The following ZNF765 variants were observed in gnomAD, a reference collection of about 807,000 sequenced individuals.
ZNF765 encodes zinc finger protein 765.
Under a neutral mutation model 44.7 loss-of-function variants are expected in ZNF765, and 37 were observed. The ratio of observed to expected loss-of-function variants is 0.83; its 90% CI spans 0.64 to 1.09. ZNF765 has a LOEUF of 1.09. Ranked by LOEUF, ZNF765 falls within the 50% of genes least tolerant of loss-of-function variation. The pLI is 0.00. For synonymous variants in ZNF765, 201 were observed against 213.7 expected (o/e 0.94, Z 0.52); for missense variants, 594 against 626.1 (o/e 0.95, Z 0.55).
chr19:53,399,289 A>C (rs1191584718), intron 2 of ZNF765, among the ~76,000 whole-genome samples: 1 of 139,322 alleles, frequency 7.2e-6, no homozygotes, highest in Non-Finnish European at 1.5e-5. Flanking sequence ...TAAACATCAC[A>C]TAGTGAATAT....
chr19:53,405,559 C>T (rs1167704825), intron 3 of ZNF765, among the ~76,000 whole-genome samples: 2 of 151,254 alleles, frequency 1.3e-5, no homozygotes, highest in African/African-American at 4.9e-5. Flanking sequence ...TTAGCCCAGC[C>T]ATCTTCCTGC....
chr19:53,421,336 G>A (rs1347181008), intron 3 of ZNF765, among the ~76,000 whole-genome samples: 1 of 152,084 alleles, frequency 6.6e-6, no homozygotes. Flanking sequence ...TCAGCAACCA[G>A]TGCTGGCGCA....
rs2085793474 is a variant in ZNF765 at position 53,408,074 on chromosome 19, G to GA, written c.519_520insA (p.Val174SerfsTer10). On this transcript the variant is annotated frameshift_variant, in exon 4 of 4. Coordinates refer to ENST00000396408, the MANE Select transcript of ZNF765 (RefSeq NM_001040185.3). LOFTEE classifies it high-confidence loss of function. ...TGAAGTCTATCCACGATGCTTCCTT[G>GA]GTTTCAACAGCCCAAAGAATTTCTT... is the stretch of plus-strand genomic sequence containing the variant. The GA allele has an allele frequency of 3.1e-6, 5 of 1,613,942 alleles. No homozygotes were observed. Among genetic ancestry groups the GA allele is most frequent in the Admixed American group, 3.3e-5 (2 of 59,990 alleles).
Position 53,423,182 on chromosome 19 carries a change from T to G in ZNF765, c.*80T>G, listed in dbSNP as rs577339769. 5.3e-5 allele frequency: 37 copies of G among 699,572 alleles called. No homozygotes were observed. The Middle Eastern group carries it at 9.5e-4, about 18-fold the overall frequency. 43.3% of individuals were successfully genotyped at this position (699,572 alleles called of 1,614,324 possible). A position where few individuals can be genotyped will look rare whatever the true frequency, so the allele number is the denominator to read the frequency against. Reference sequence around the variant, plus strand: ...AGGGAACGCCCCCAAGCACGCTGGCTCCTGTGTGTTCCTCAGCTGGCTCCT... The same window carrying G: ...AGGGAACGCCCCCAAGCACGCTGGCGCCTGTGTGTTCCTCAGCTGGCTCCT... On this transcript the variant is annotated 3_prime_UTR_variant, in exon 4 of 4. Coordinates refer to the ZNF765 transcript ENST00000594030.
At chr19:53,414,086 C>A (rs893784819), downstream of ZNF765, among the ~76,000 whole-genome samples, 13 of 151,474 alleles carry the variant, frequency 8.6e-5, no homozygotes, top group African/African-American at 2.9e-4. Context: ...ACTAAAAACA[C>A]AAAACTTGGC....
intron 3 of ZNF765, among the ~76,000 whole-genome samples, chr19:53,404,444 C>A (rs2085756618): frequency 6.6e-6 from 1 of 151,790 alleles, no homozygotes; most frequent in Non-Finnish European, 1.5e-5. Context: ...CTTTAGAATT[C>A]TTTCATTTCT....
chr19:53,403,311 G>A (rs1323420473), intron 3 of ZNF765, among the ~76,000 whole-genome samples: 1 of 151,708 alleles, frequency 6.6e-6, no homozygotes, highest in Non-Finnish European at 1.5e-5. Flanking sequence ...TATTACTGAT[G>A]GAGAAGACCT....
intron 3 of ZNF765, among the ~76,000 whole-genome samples, chr19:53,417,403 C>G (rs2085881709): frequency 6.6e-6 from 1 of 152,112 alleles, no homozygotes; most frequent in Admixed American, 6.6e-5. Flanking sequence ...TCCTGTGTTA[C>G]TTTGCTAAGG....
intron 2 of ZNF765, among the ~76,000 whole-genome samples, chr19:53,398,659 G>A (rs1209822511): frequency 6.6e-6 from 1 of 152,096 alleles, no homozygotes; most frequent in East Asian, 1.9e-4. Context: ...AGCACATTAC[G>A]CTCATGGAGA....
rs536924396 is a variant in ZNF765, at chr19:53,401,586, A to C, written c.16-479A>C. Among the ~76,000 whole-genome samples, 68 of 143,290 alleles carry C rather than the reference A, an allele frequency of 4.7e-4. No individual in the cohort carries two copies. In the South Asian group the frequency reaches 0.015, roughly 32 times the overall value. The allele number at this position is 143,290 out of a possible 152,430, so 94.0% of individuals were successfully genotyped here. ...TCAAAAAAATAAAAATAAAAAAAAA[A>C]ACGTTTCTGGGCCGGGCACGGTGGA... On this transcript the variant is annotated intron_variant, in intron 2 of 3. Transcript: ENST00000396408.
Position 53,407,779 on chromosome 19 carries a change from A to G in ZNF765, c.224A>G (p.Gln75Arg). 1 of 1,611,066 alleles carries G rather than the reference A, an allele frequency of 6.2e-7. No individual in the cohort carries two copies. The highest frequency in any genetic ancestry group is 8.5e-7 in the Non-Finnish European group (1 of 1,178,584). Residue 75 changes from glutamine to arginine, a missense_variant, in exon 4 of 4, where the codon CAA becomes CGA. Physicochemically the swap from Gln to Arg is conservative, Grantham distance 43 (BLOSUM62 1). Transcript: ENST00000396408. ...NREVFHAGTS[Q>R]RHESHHNGDF... ...GAAGTGTTCCATGCAGGGACATCTC[A>G]AAGACATGAAAGTCATCACAATGGA...
chr19:53,400,402 A>G (rs1216932129), intron 2 of ZNF765, among the ~76,000 whole-genome samples: 3 of 152,016 alleles, frequency 2.0e-5, no homozygotes, highest in Admixed American at 2.0e-4. Context: ...ATATCTCACG[A>G]TTCCTCCAGG....
chr19:53,404,395 A>G (rs1046354018), intron 3 of ZNF765, among the ~76,000 whole-genome samples: 1 of 151,640 alleles, frequency 6.6e-6, no homozygotes, highest in Non-Finnish European at 1.5e-5. Context: ...ATTTACCTTT[A>G]CTGGAGAACT....
chr19:53,415,270 C>T (rs1302027549), downstream of ZNF765, among the ~76,000 whole-genome samples: 1 of 138,340 alleles, frequency 7.2e-6, no homozygotes, highest in Non-Finnish European at 1.5e-5. Flanking sequence ...AACTCCATCT[C>T]GAAAAAAAAA....
intron 3 of ZNF765, among the ~76,000 whole-genome samples, chr19:53,405,903 C>CCATATATATATATA (rs2085768367): frequency 2.0e-5 from 1 of 49,168 alleles, no homozygotes; most frequent in African/African-American, 5.9e-5. Context: ...TTAATACCAA[C>CCATATATATATATA]TATATATATA....
chr19:53,403,011 C>T (rs2085742302), intron 3 of ZNF765, among the ~76,000 whole-genome samples: 1 of 152,048 alleles, frequency 6.6e-6, no homozygotes, highest in Non-Finnish European at 1.5e-5. Flanking sequence ...CCCCTCTCTA[C>T]TAAAAATACA....
downstream of ZNF765, chr19:53,413,270 T>G (rs2085847269): frequency 1.7e-6 from 1 of 593,008 alleles, no homozygotes; most frequent in Admixed American, 1.9e-5. Context: ...CCCAGTGGAT[T>G]CAGATCAAAA....
chr19:53,397,119 G>A (rs1370743500), intron 1 of ZNF765, among the ~76,000 whole-genome samples: 2 of 152,252 alleles, frequency 1.3e-5, no homozygotes, highest in Non-Finnish European at 2.9e-5. Flanking sequence ...GTCTGGACTG[G>A]AACATGGGAT....
At chr19:53,420,104 C>T (rs145150852) in intron 3 of ZNF765, among the ~76,000 whole-genome samples, 2,483 of 151,924 alleles carry the variant, frequency 0.016, 85 homozygotes, top group African/African-American at 0.057. Flanking sequence ...GAGACCGAGG[C>T]GGGCAGATCA....
Sources: allele counts gnomAD v4.1 joint callset (sites outside exome capture counted in the v4.1 genomes callset), GRCh38; gene constraint gnomAD v4.1.1; transcripts MANE v1.5; gene names NCBI Gene and HGNC (gene_info 2026-07-23, HGNC 2026-07-21).